Variants in GAB4 observed in about 807,000 individuals in gnomAD.
The protein encoded by GAB4 is GRB2 associated binding protein family member 4.
Under a neutral mutation model 51.3 loss-of-function variants are expected in GAB4, and 26 were observed. That is an observed-to-expected ratio of 0.51 (90% CI 0.37 to 0.70). GAB4 has a LOEUF of 0.70. GAB4 is among the 30% of genes least tolerant of loss of function. The probability of loss-of-function intolerance (pLI) is 0.00; values close to 1 mark genes in which losing one functional copy is unlikely to be tolerated. For synonymous variants in GAB4, 329 were observed against 291.2 expected (o/e 1.13, Z -1.32); for missense variants, 759 against 734.6 (o/e 1.03, Z -0.38).
chr22:16,999,177 C>T (rs1170547645), intron 1 of GAB4, among the ~76,000 whole-genome samples: 1 of 152,202 alleles, frequency 6.6e-6, no homozygotes, highest in Admixed American at 6.5e-5. Context: ...GGAGGATTCC[C>T]TCTTTTTCTA....
intron 8 of GAB4, among the ~76,000 whole-genome samples, chr22:16,964,168 G>A (rs2060652308): frequency 6.6e-6 from 1 of 152,076 alleles, no homozygotes; most frequent in African/African-American, 2.4e-5. Context: ...TACCCCCTTG[G>A]CAGCTCTCCA....
rs1042541681 is a variant in GAB4, at chr22:16,963,722, C to T, written c.1581+3G>A. ...TGCCCAACCCCAGCTCCACCCCAGG[C>T]ACCTTGCTCGGCTGGAAGTCCAGGG... On this transcript the variant is annotated splice_donor_region_variant and intron_variant, in intron 9 of 9. Transcript: ENST00000400588. The T allele has an allele frequency of 1.2e-6, 2 of 1,610,328 alleles. No homozygotes were observed. The highest frequency in any genetic ancestry group is 8.5e-7 in the Non-Finnish European group (1 of 1,177,758).
rs61740195 is a variant in GAB4 at position 16,966,146 on chromosome 22, C to G, written c.1242G>C (p.Glu414Asp). The G allele has an allele frequency of 3.4e-3, 5,486 of 1,614,044 alleles. 158 individuals are homozygous for G. In the African/African-American group the frequency reaches 0.065, roughly 19 times the overall value. ...TGCGGTTGACAGGGGGCAGCTGGAC[C>G]TCATGTCCCTGGCTGAGGTCTTGGT... ...SMHQDLSQGHEVQLPPVNRSL... is the reference protein window; with the variant it reads ...SMHQDLSQGHDVQLPPVNRSL... Residue 414 changes from glutamate (E) to aspartate (D), a missense_variant, in exon 6 of 10, where the codon GAG becomes GAC. By Grantham distance (45) the Glu-to-Asp change is conservative. Coordinates refer to ENST00000400588, the MANE Select transcript of GAB4 (RefSeq NM_001037814.1).
intron 7 of GAB4, 79 bp from the exon 8 acceptor site, chr22:16,964,941 C>A (rs2060659911): frequency 1.2e-5 from 13 of 1,114,792 alleles, no homozygotes; most frequent in African/African-American, 3.1e-5. Context: ...CCAGCTGGGC[C>A]CTGACTTCAA....
chr22:16,962,810 G>A lies in GAB4; in HGVS notation c.1648C>T (p.Gln550Ter). 1 of 1,613,690 alleles carries A rather than the reference G, an allele frequency of 6.2e-7. No homozygotes were observed. Among genetic ancestry groups the A allele is most frequent in the Non-Finnish European group, 8.5e-7 (1 of 1,179,860 alleles). Reference protein sequence around the residue: ...DYVQVDLEKTQALQKTMHEQM... With the variant: ...DYVQVDLEKT ...TCATGCATGGTCTTCTGCAGGGCCT[G>A]GGTCTTCTCCAGATCCACCTGGACA... is the stretch of plus-strand genomic sequence containing the variant. The change falls in exon 10 of 10, where the codon CAG (glutamine) becomes TAG (stop). Residue 550 changes from glutamine to a stop codon, truncating the protein, a stop_gained. Transcript: ENST00000400588. LOFTEE classifies it high-confidence loss of function.
chr22:17,001,402 C>T (rs1248754346), intron 1 of GAB4, among the ~76,000 whole-genome samples: 3 of 152,174 alleles, frequency 2.0e-5, no homozygotes, highest in Non-Finnish European at 2.9e-5. Flanking sequence ...TCTTCAATCA[C>T]TGATGCCTTC....
chr22:16,962,857 G>T lies in GAB4; in HGVS notation c.1601C>A (p.Thr534Lys), dbSNP rs770318451. 6.2e-7 allele frequency: 1 copy of T among 1,613,142 alleles called. No homozygotes were observed. The highest frequency in any genetic ancestry group is 1.3e-5 in the African/African-American group (1 of 75,042). Residue 534 changes from threonine to lysine, a missense_variant, in exon 10 of 10, where the codon ACG (threonine) becomes AAG (lysine). By Grantham distance (78) the Thr-to-Lys change is moderately conservative (BLOSUM62 -1). Around this residue, in one of 3 missense-constraint regions of GAB4, gnomAD observed 588 missense variants for 510.2 expected, o/e 1.15. Transcript: ENST00000400588. ...GACATAGTCCACCTTCTTGCCGGAC[G>T]TGACAGAGCCTATGGATGGCTGAGG... is the stretch of plus-strand genomic sequence containing the variant. ...QPSKPSIGSV[T>K]SGKKVDYVQV...
intron 3 of GAB4, among the ~76,000 whole-genome samples, chr22:16,984,107 A>C (rs1347670353): frequency 6.6e-6 from 1 of 152,214 alleles, no homozygotes; most frequent in Non-Finnish European, 1.5e-5. Context: ...TCAATGGACA[A>C]AAAAATCAAA....
intron 3 of GAB4, among the ~76,000 whole-genome samples, chr22:16,973,336 G>A (rs1348382226): frequency 6.6e-6 from 1 of 152,178 alleles, no homozygotes; most frequent in Non-Finnish European, 1.5e-5. Context: ...AATGTTTGCT[G>A]AAGGAACAAG....
At chr22:17,002,225 T>C (rs1484358221) in intron 1 of GAB4, among the ~76,000 whole-genome samples, 1 of 152,202 alleles carries the variant, frequency 6.6e-6, no homozygotes, top group Non-Finnish European at 1.5e-5. Context: ...TCTTCTGCAT[T>C]GCTCATGCTG....
chr22:16,988,940 C>G (rs1206953426), intron 2 of GAB4, among the ~76,000 whole-genome samples: 1 of 152,142 alleles, frequency 6.6e-6, no homozygotes, highest in East Asian at 1.9e-4. Context: ...AAGACCTGCT[C>G]AAATATCATA....
intron 3 of GAB4, among the ~76,000 whole-genome samples, chr22:16,982,904 C>G (rs1405723224): frequency 6.6e-6 from 1 of 152,088 alleles, no homozygotes; most frequent in African/African-American, 2.4e-5. Context: ...GGAAGGCTGC[C>G]CTGCCGCACC....
chr22:16,990,590 G>A (rs1348204456), intron 2 of GAB4, among the ~76,000 whole-genome samples: 1 of 152,106 alleles, frequency 6.6e-6, no homozygotes, highest in Non-Finnish European at 1.5e-5. Context: ...TGTGGGCTGT[G>A]AGGATGAAAG....
At chr22:16,994,433 C>A (rs1295358140) in intron 1 of GAB4, among the ~76,000 whole-genome samples, 1 of 152,226 alleles carries the variant, frequency 6.6e-6, no homozygotes, top group East Asian at 1.9e-4. Context: ...ATTGCCGAGG[C>A]TGCTGCCTTC....
rs181002310 is a variant in GAB4 at position 17,001,012 on chromosome 22, T to C, written c.174+6929A>G. Among the ~76,000 whole-genome samples the C allele has an allele frequency of 1.9e-3, 284 of 152,324 alleles. 1 individual carries two copies. The highest frequency in any genetic ancestry group is 6.5e-3 in the African/African-American group (270 of 41,568). ...AGAGTTTCAGCCGAGAGATCAGCTG[T>C]TAGTCTGATGGGCTTCCCTTTGTGG... On this transcript the variant is annotated intron_variant, in intron 1 of 9. Coordinates refer to ENST00000400588, the MANE Select transcript of GAB4 (RefSeq NM_001037814.1).
In GAB4 at chr22:16,964,856, G is replaced by A. The variant is rs773261418; in HGVS notation, c.1386C>T (p.Thr462=). The A allele has an allele frequency of 2.5e-6, 4 of 1,613,636 alleles. No individual in the cohort carries two copies. Among genetic ancestry groups the A allele is most frequent in the Non-Finnish European group, 3.4e-6 (4 of 1,179,634 alleles). ...VTEPWSGTSH[T]FDSSSSQHPI... ...GGTGTTGGGAGGAGCTGGAGTCAAA[G>A]GTGTGGCTGTCATGGGAAGAAGGCA... The change falls in exon 8 of 10, where the codon ACC becomes ACT. Residue 462 remains threonine, a synonymous_variant. Coordinates refer to ENST00000400588, the MANE Select transcript of GAB4 (RefSeq NM_001037814.1).
At chr22:17,003,087 G>T (rs183364027) in intron 1 of GAB4, among the ~76,000 whole-genome samples, 2 of 151,214 alleles carry the variant, frequency 1.3e-5, no homozygotes, top group Admixed American at 1.3e-4. Context: ...GAAAAGAAGG[G>T]CATTAAATAA....
At chr22:16,969,799 T>C (rs978310823) in intron 4 of GAB4, 144 bp downstream of exon 4, 4 of 1,029,566 alleles carry the variant, frequency 3.9e-6, no homozygotes, top group Middle Eastern at 2.9e-4. Flanking sequence ...GCCACCACCA[T>C]GGCATAGAGG....
chr22:17,001,777 C>A (rs1022610356), intron 1 of GAB4, among the ~76,000 whole-genome samples: 3 of 152,112 alleles, frequency 2.0e-5, no homozygotes, highest in African/African-American at 7.2e-5. Context: ...TCTACAGAGG[C>A]AGGTAGGCCT....
Sources: gnomAD v4.1 joint callset for allele counts (sites outside exome capture counted in the v4.1 genomes callset) on GRCh38, gnomAD v4.1.1 for gene constraint, gnomAD v4.1.1 regional missense constraint, MANE v1.5 for transcripts, NCBI Gene and HGNC (gene_info 2026-07-23, HGNC 2026-07-21) for gene names.